The following TMEM161B variants were observed in gnomAD, a reference collection of about 807,000 sequenced individuals.
TMEM161B encodes transmembrane protein 161B.
A neutral mutation model predicts 61.8 loss-of-function variants in TMEM161B; 34 were observed. That is an observed-to-expected ratio of 0.55 (90% CI 0.42 to 0.73). The LOEUF is 0.73. Among genes scored for constraint, TMEM161B ranks in the 30% least tolerant of loss-of-function variants. TMEM161B has a pLI of 0.00. For synonymous variants in TMEM161B, 167 were observed against 192.8 expected (o/e 0.87, Z 1.11); for missense variants, 456 against 558.5 (o/e 0.82, Z 1.85).
chr5:88,217,676 C>A, intron 5 of TMEM161B, among the ~76,000 whole-genome samples: 1 of 152,034 alleles, frequency 6.6e-6, no homozygotes, highest in East Asian at 1.9e-4. Flanking sequence ...ACATCTGAAG[C>A]AAGTATGGAG....
intron 8 of TMEM161B, among the ~76,000 whole-genome samples, chr5:88,204,136 G>A (rs1313015967): frequency 6.6e-6 from 1 of 151,878 alleles, no homozygotes; most frequent in Non-Finnish European, 1.5e-5. Flanking sequence ...ACCTAACAGG[G>A]AAAGGCAGAA....
At chr5:88,268,666 C>G in intron 1 of TMEM161B, 55 bp downstream of exon 1, 1 of 1,613,244 alleles carries the variant, frequency 6.2e-7, no homozygotes, top group Non-Finnish European at 8.5e-7. Context: ...CAGTACTGAC[C>G]TCCCCGCCCT....
At chr5:88,219,576 A>G (rs994478005) in intron 5 of TMEM161B, among the ~76,000 whole-genome samples, 5 of 152,150 alleles carry the variant, frequency 3.3e-5, no homozygotes, top group Admixed American at 3.3e-4. Context: ...GTCAGAAACC[A>G]GAAGAATAAA....
chr5:88,262,522 A>G (rs563281615), intron 1 of TMEM161B, among the ~76,000 whole-genome samples: 2 of 152,306 alleles, frequency 1.3e-5, no homozygotes, highest in South Asian at 4.1e-4. Flanking sequence ...GTAGGTGAAT[A>G]GATAAACTGT....
intron 1 of TMEM161B, among the ~76,000 whole-genome samples, chr5:88,254,306 T>G (rs779996249): frequency 6.6e-6 from 1 of 152,168 alleles, no homozygotes; most frequent in Non-Finnish European, 1.5e-5. Context: ...TTCCAGTAGA[T>G]AGAGTTATTT....
chr5:88,205,463 T>C (rs1338840058), intron 8 of TMEM161B, among the ~76,000 whole-genome samples: 2 of 152,054 alleles, frequency 1.3e-5, no homozygotes, highest in Non-Finnish European at 2.9e-5. Flanking sequence ...TTTAAAACAA[T>C]ATTTTAAAGT....
At chr5:88,234,033 T>C (rs1751425115) in intron 2 of TMEM161B, among the ~76,000 whole-genome samples, 3 of 152,030 alleles carry the variant, frequency 2.0e-5, no homozygotes, top group Non-Finnish European at 4.4e-5. Flanking sequence ...AATAGAGGAA[T>C]GGCCAAAAAC....
chr5:88,220,732 A>G lies in TMEM161B; in HGVS notation c.290-13T>C. On this transcript the variant is annotated splice_polypyrimidine_tract_variant and intron_variant, in intron 4 of 11. Transcript: ENST00000296595. ...AAGTAATGCAATGCTGGAAAGAAAA[A>G]AAAAAAAAAAAAAAAAAAAGGTCAA... The G allele has an allele frequency of 1.3e-6, 2 of 1,484,204 alleles. No homozygotes were observed. The highest frequency in any genetic ancestry group is 2.9e-5 in the African/African-American group (2 of 68,982). The allele number at this position is 1,484,204 out of a possible 1,614,324, so 91.9% of individuals were successfully genotyped here.
chr5:88,230,027 A>G (rs1415844355), intron 2 of TMEM161B, among the ~76,000 whole-genome samples: 1 of 152,076 alleles, frequency 6.6e-6, no homozygotes, highest in African/African-American at 2.4e-5. Context: ...CCGTATCTCT[A>G]CAAAAAATTA....
At chr5:88,198,046 A>G (rs1488923882) in intron 10 of TMEM161B, 5 of 231,806 alleles carry the variant, frequency 2.2e-5, no homozygotes, top group African/African-American at 1.1e-4. Flanking sequence ...ACTAAGATTC[A>G]AATGGTATAT....
At chr5:88,211,560 G>C (rs746666473) in intron 5 of TMEM161B, among the ~76,000 whole-genome samples, 2 of 152,046 alleles carry the variant, frequency 1.3e-5, no homozygotes, top group Non-Finnish European at 2.9e-5. Context: ...AGGAGTTTGA[G>C]ACCAGCCTGG....
intron 1 of TMEM161B, among the ~76,000 whole-genome samples, chr5:88,252,200 C>T (rs1055283706): frequency 1.3e-5 from 2 of 152,020 alleles, no homozygotes; most frequent in African/African-American, 4.8e-5. Flanking sequence ...GGCTAAATGA[C>T]AAGTGTGAAC....
chr5:88,229,565 C>G (rs1404323847), intron 2 of TMEM161B, among the ~76,000 whole-genome samples: 1 of 150,998 alleles, frequency 6.6e-6, no homozygotes, highest in Non-Finnish European at 1.5e-5. Context: ...TATCAAGACC[C>G]ATGCCTGTTT....
At chr5:88,266,339 T>C (rs1165487277) in intron 1 of TMEM161B, among the ~76,000 whole-genome samples, 1 of 152,164 alleles carries the variant, frequency 6.6e-6, no homozygotes, top group Non-Finnish European at 1.5e-5. Flanking sequence ...TTCCAAGTAC[T>C]ATCTATGTGA....
intron 2 of TMEM161B, among the ~76,000 whole-genome samples, chr5:88,236,177 G>A (rs1318302579): frequency 6.6e-6 from 1 of 152,130 alleles, no homozygotes; most frequent in African/African-American, 2.4e-5. Flanking sequence ...GATATGGGAT[G>A]AGACAAAAAT....
At chr5:88,212,679 A>G (rs1747047918) in intron 5 of TMEM161B, among the ~76,000 whole-genome samples, 1 of 152,122 alleles carries the variant, frequency 6.6e-6, no homozygotes, top group South Asian at 2.1e-4. Flanking sequence ...AATACAAAAA[A>G]TTAGCCAGGC....
At chr5:88,256,570 T>A (rs572767476) in intron 1 of TMEM161B, among the ~76,000 whole-genome samples, 1 of 152,344 alleles carries the variant, frequency 6.6e-6, no homozygotes, top group South Asian at 2.1e-4. Context: ...TATAAAACGT[T>A]CATTGACTTT....
chr5:88,224,984 T>TTTG, intron 4 of TMEM161B, among the ~76,000 whole-genome samples: 1 of 148,810 alleles, frequency 6.7e-6, no homozygotes, highest in Non-Finnish European at 1.5e-5. Flanking sequence ...TTTTTTTTTT[T>TTTG]TGAGACGGAG....
At position 88,207,093 on chromosome 5, in the gene TMEM161B, G is replaced by GA; in HGVS notation, c.533dup (p.Phe179LeufsTer20). 3 of 1,612,022 alleles carry GA rather than the reference G, an allele frequency of 1.9e-6. No homozygotes were observed. The highest frequency in any genetic ancestry group is 2.5e-6 in the Non-Finnish European group (3 of 1,179,110). Reference sequence around the variant, plus strand: ...TCAACACTGCCATTGCTTTGACAAAGAAAAAAAATCCAAAGGTGACACAAA... The same window carrying GA: ...TCAACACTGCCATTGCTTTGACAAAGAAAAAAAAATCCAAAGGTGACACAAA... On this transcript the variant is annotated frameshift_variant, in exon 6 of 12. Transcript: ENST00000296595. LOFTEE classifies it high-confidence loss of function.
Sources: gnomAD v4.1 joint callset for allele counts (sites outside exome capture counted in the v4.1 genomes callset) on GRCh38, gnomAD v4.1.1 for gene constraint, MANE v1.5 for transcripts, NCBI Gene and HGNC (gene_info 2026-07-23, HGNC 2026-07-21) for gene names.